Variants in DMXL2 observed in about 807,000 individuals in gnomAD.
DMXL2 encodes Dmx like 2.
A neutral mutation model predicts 331.1 loss-of-function variants in DMXL2; 103 were observed. The ratio of observed to expected loss-of-function variants is 0.31; its 90% CI spans 0.27 to 0.37. DMXL2 has a LOEUF of 0.37. Ranked by LOEUF, DMXL2 falls within the 10% of genes least tolerant of loss-of-function variation. The pLI is 1.00. For synonymous variants in DMXL2, 1,281 were observed against 1,252.1 expected (o/e 1.02, Z -0.49); for missense variants, 3,171 against 3,642.9 (o/e 0.87, Z 3.33).
chr15:51,567,935 T>C (rs2050399554), intron 3 of DMXL2: 1 of 152,232 alleles, frequency 6.6e-6, no homozygotes, highest in Non-Finnish European at 1.5e-5. Context: ...ATTTAAAAAT[T>C]AGCTGGCCAT....
chr15:51,545,782 A>G lies in DMXL2; in HGVS notation c.747-16T>C. On this transcript the variant is annotated splice_polypyrimidine_tract_variant and intron_variant, in intron 7 of 43. Coordinates refer to ENST00000560891, the MANE Select transcript of DMXL2 (RefSeq NM_001378457.1). ...GACAGAACCCCTAACAACAAAGAGAAATAAATAAAGGTTAATGTGAATATC... is the reference window on the plus strand; with the variant it reads ...GACAGAACCCCTAACAACAAAGAGAGATAAATAAAGGTTAATGTGAATATC... 1 of 1,598,280 alleles carries G rather than the reference A, an allele frequency of 6.3e-7. No homozygotes were observed.
intron 26 of DMXL2, 77 bp downstream of exon 26, chr15:51,478,194 A>G: frequency 6.6e-6 from 8 of 1,209,218 alleles, no homozygotes; most frequent in Non-Finnish European, 9.4e-6. Flanking sequence ...GTCCCTAGGA[A>G]ATAGAAACTT....
intron 4 of DMXL2, 36 bp from the exon 5 acceptor site, chr15:51,564,296 T>C (rs914485447): frequency 1.8e-5 from 26 of 1,477,258 alleles, no homozygotes; most frequent in East Asian, 1.0e-4. Flanking sequence ...AATATGCAAA[T>C]ATTATATAGG....
chr15:51,464,760 T>C lies in DMXL2; in HGVS notation c.7723A>G (p.Thr2575Ala), dbSNP rs756182226. Residue 2575 changes from threonine to alanine, a missense_variant, in exon 32 of 44, where the codon ACA becomes GCA. By Grantham distance (58) the Thr-to-Ala change is moderately conservative. Transcript: ENST00000560891. Reference sequence around the variant, plus strand: ...CCCACTGAAAGGTCAGTTGGATATGTGTTGATATAGTTAGGGGGTGGACCT... The same window carrying C: ...CCCACTGAAAGGTCAGTTGGATATGCGTTGATATAGTTAGGGGGTGGACCT... ...FEGPPPNYIN[T>A]YPTDLSVGAG... 1.2e-6 allele frequency: 2 copies of C among 1,614,178 alleles called. No homozygotes were observed. The highest frequency in any genetic ancestry group is 1.7e-6 in the Non-Finnish European group (2 of 1,180,004).
At chr15:51,621,318 A>G (rs560210106) in intron 1 of DMXL2, among the ~76,000 whole-genome samples, 79 of 152,386 alleles carry the variant, frequency 5.2e-4, no homozygotes, top group African/African-American at 1.7e-3. Flanking sequence ...GCACTGCTAC[A>G]TAATGATTCT....
chr15:51,449,894 C>T lies in DMXL2; in HGVS notation c.8967+235G>A, dbSNP rs78496311. 9.7e-3 allele frequency among the ~76,000 whole-genome samples: 1,477 copies of T among 152,134 alleles called. 19 individuals carry two copies. The highest frequency in any genetic ancestry group is 0.034 in the African/African-American group (1,424 of 41,470). On this transcript the variant is annotated intron_variant, in intron 43 of 43. Coordinates refer to ENST00000560891, the MANE Select transcript of DMXL2 (RefSeq NM_001378457.1). ...CATACACTTTACTCAAAATAGAATGCTTTAAAGCTTTCTAATGGCCTGAGT... is the reference window on the plus strand; with the variant it reads ...CATACACTTTACTCAAAATAGAATGTTTTAAAGCTTTCTAATGGCCTGAGT...
chr15:51,536,537 C>A lies in DMXL2; in HGVS notation c.1943G>T (p.Gly648Val). The change falls in exon 12 of 44, where the codon GGT becomes GTT. Residue 648 changes from glycine to valine, a missense_variant. Around this residue, in one of 7 missense-constraint regions of DMXL2, gnomAD observed 1,674 missense variants for 1,780.2 expected, o/e 0.94. Coordinates refer to ENST00000560891, the MANE Select transcript of DMXL2 (RefSeq NM_001378457.1). The part of the protein sequence containing the change: ...LTVSHKFRYC[G>V]HRFHLNDLAC... ...CAGGTCATTGAGGTGAAATCGATGA[C>A]CGCAATATCTAAATTTGTGAGATAC... is the stretch of plus-strand genomic sequence containing the variant. 1 of 1,613,760 alleles carries A rather than the reference C, an allele frequency of 6.2e-7. No homozygotes were observed.
intron 1 of DMXL2, among the ~76,000 whole-genome samples, chr15:51,611,086 A>T (rs2053937700): frequency 6.6e-6 from 1 of 152,142 alleles, no homozygotes; most frequent in Admixed American, 6.5e-5. Context: ...AAAACAGCAC[A>T]ATTAATATAA....
intron 15 of DMXL2, among the ~76,000 whole-genome samples, chr15:51,510,883 A>C (rs1020180519): frequency 2.6e-5 from 4 of 152,214 alleles, no homozygotes; most frequent in African/African-American, 9.7e-5. Flanking sequence ...CTCAGAAATA[A>C]CACCACACAC....
chr15:51,522,728 T>C (rs1206122586), intron 13 of DMXL2, among the ~76,000 whole-genome samples: 2 of 152,184 alleles, frequency 1.3e-5, no homozygotes, highest in African/African-American at 4.8e-5. Context: ...ACATTCAACA[T>C]GTCCCAAATT....
intron 13 of DMXL2, among the ~76,000 whole-genome samples, chr15:51,522,661 AAAAT>A (rs1361740127): frequency 4.6e-5 from 7 of 152,168 alleles, no homozygotes; most frequent in African/African-American, 7.2e-5. Flanking sequence ...ATAAAAACAT[AAAAT>A]AAATAAATAA....
chr15:51,532,871 T>C (rs1178401044), intron 13 of DMXL2, among the ~76,000 whole-genome samples: 2 of 152,108 alleles, frequency 1.3e-5, no homozygotes, highest in Non-Finnish European at 2.9e-5. Flanking sequence ...GAGATAAAAT[T>C]GTTCCCATTT....
At chr15:51,569,041 TGA>T (rs1396676104) in intron 2 of DMXL2, among the ~76,000 whole-genome samples, 1 of 152,168 alleles carries the variant, frequency 6.6e-6, no homozygotes, top group Non-Finnish European at 1.5e-5. Context: ...AGGGAAGCTG[TGA>T]GAGACGGTAC....
intron 6 of DMXL2, among the ~76,000 whole-genome samples, chr15:51,555,281 C>T (rs529724111): frequency 6.6e-6 from 1 of 152,242 alleles, no homozygotes; most frequent in South Asian, 2.1e-4. Flanking sequence ...ATAATGGTGG[C>T]TTCAACCAGA....
At chr15:51,612,987 A>G (rs2054075733) in intron 1 of DMXL2, among the ~76,000 whole-genome samples, 1 of 152,158 alleles carries the variant, frequency 6.6e-6, no homozygotes. Flanking sequence ...TATTTCTCCT[A>G]TTTGCTTTTG....
intron 28 of DMXL2, 90 bp from the exon 29 acceptor site, chr15:51,471,491 C>T: frequency 7.8e-7 from 1 of 1,281,964 alleles, no homozygotes; most frequent in South Asian, 1.6e-5. Flanking sequence ...CTACTCTTGC[C>T]ATGTTTTGGT....
At chr15:51,547,924 A>G (rs989942867) in intron 6 of DMXL2, among the ~76,000 whole-genome samples, 2 of 152,138 alleles carry the variant, frequency 1.3e-5, no homozygotes, top group African/African-American at 4.8e-5. Flanking sequence ...ACACAGGTCT[A>G]TGACACAGAT....
chr15:51,592,132 C>T (rs149483386), intron 1 of DMXL2, among the ~76,000 whole-genome samples: 3 of 145,634 alleles, frequency 2.1e-5, no homozygotes, highest in African/African-American at 5.1e-5. Context: ...TAAAGGAGAA[C>T]GTTCGAACCC....
chr15:51,559,571 C>T (rs1048946664), intron 6 of DMXL2, among the ~76,000 whole-genome samples: 1 of 151,802 alleles, frequency 6.6e-6, no homozygotes, highest in Non-Finnish European at 1.5e-5. Flanking sequence ...ATAGATAAAA[C>T]TTAGCCAGCC....
Sources: allele counts gnomAD v4.1 joint callset (sites outside exome capture counted in the v4.1 genomes callset), GRCh38; gene constraint gnomAD v4.1.1; regional missense constraint gnomAD v4.1.1; transcripts MANE v1.5; gene names NCBI Gene and HGNC (gene_info 2026-07-23, HGNC 2026-07-21).